NTHL1: variants seen among roughly 807,000 people sequenced by gnomAD.
The protein encoded by NTHL1 is nth like DNA glycosylase 1, also known as endonuclease III-like protein 1.
Under a neutral mutation model 32.3 loss-of-function variants are expected in NTHL1, and 32 were observed. The observed-to-expected ratio is 0.99, with a 90% confidence interval of 0.75 to 1.33. The LOEUF (loss-of-function observed/expected upper bound fraction) is 1.33, where lower values mean the gene tolerates loss of function less well. Ranked by LOEUF, NTHL1 falls within the 40% of genes most tolerant of loss-of-function variation. The pLI is 0.00. For synonymous variants in NTHL1, 188 were observed against 176.9 expected, an observed-to-expected ratio of 1.06 and a Z score of -0.50; for missense variants, 501 against 414.1, an observed-to-expected ratio of 1.21 and a Z score of -1.82.
chr16:2,043,738 G>A lies in NTHL1; in HGVS notation c.526-12C>T, dbSNP rs748774265. On this transcript the variant is annotated splice_polypyrimidine_tract_variant and intron_variant, in intron 3 of 5. Transcript: ENST00000651570. This position sits in a 1 kb window ranked among gnomAD's most constrained non-coding sequence, Gnocchi z 4.4. ...TATTTCACCTTGCTCTGAAAGACAG[G>A]GGTGGGTTCAGCCTTGGAGGCAAGG... 1 of 1,610,860 alleles carries A rather than the reference G, an allele frequency of 6.2e-7. No homozygotes were observed. The highest frequency in any genetic ancestry group is 1.7e-5 in the Admixed American group (1 of 60,012).
At position 2,040,322 on chromosome 16, in the gene NTHL1, A is replaced by G. The variant is rs1327211494; in HGVS notation, c.686-84T>C. The G allele has an allele frequency of 2.4e-6, 3 of 1,273,384 alleles. No individual in the cohort carries two copies. The Admixed American group carries it at 5.0e-5, about 21-fold the overall frequency. The allele number at this position is 1,273,384 out of a possible 1,614,324, so 78.9% of individuals were successfully genotyped here. ...CTCCCCGCCCAGAGGCGAGTCTGCCACCACCCCCGTGGCCCTCCAGTTAGA... is the reference window on the plus strand; with the variant it reads ...CTCCCCGCCCAGAGGCGAGTCTGCCGCCACCCCCGTGGCCCTCCAGTTAGA... On this transcript the variant is annotated intron_variant, in intron 4 of 5. Coordinates refer to ENST00000651570, the MANE Select transcript of NTHL1 (RefSeq NM_002528.7).
chr16:2,040,435 T>G, intron 4 of NTHL1, 197 bp from the exon 5 acceptor site: 1 of 647,306 alleles, frequency 1.5e-6, no homozygotes, highest in Non-Finnish European at 2.8e-6. Flanking sequence ...GAGCCCTCTG[T>G]TGGGGTGCAG....
At position 2,044,707 on chromosome 16, in the gene NTHL1, C is replaced by T. The variant is rs749527022; in HGVS notation, c.448G>A (p.Gly150Ser). 11 of 1,612,510 alleles carry T rather than the reference C, an allele frequency of 6.8e-6. No homozygotes were observed. Among genetic ancestry groups the T allele is most frequent in the Non-Finnish European group, 7.6e-6 (9 of 1,179,910 alleles). The change falls in exon 3 of 6, where the codon GGC becomes AGC. Residue 150 changes from glycine to serine, a missense_variant. Coordinates refer to ENST00000651570, the MANE Select transcript of NTHL1 (RefSeq NM_002528.7). The surrounding 1 kb of genome is among the most constrained non-coding windows in gnomAD (Gnocchi z 5.0). The stretch of plus-strand genomic sequence containing the variant: ...TGCAGGATGCTGTCCACCGTCAGGC[C>T]CCGCGCCCGCAGTCGCTGCATGGCG... ...AGAMQRLRARGLTVDSILQTD... is the reference protein window; with the variant it reads ...AGAMQRLRARSLTVDSILQTD...
chr16:2,047,362 G>A, intron 1 of NTHL1: 1 of 355,012 alleles, frequency 2.8e-6, no homozygotes, highest in Non-Finnish European at 5.2e-6. Context: ...TGTGTCCTTG[G>A]CACCCAGCCT....
At chr16:2,041,392 C>T (rs1200621221) in intron 4 of NTHL1, among the ~76,000 whole-genome samples, 1 of 152,160 alleles carries the variant, frequency 6.6e-6, no homozygotes, top group Non-Finnish European at 1.5e-5. Context: ...CAGAGTCACC[C>T]AGCCAGGAGG....
rs750490014 is a variant in NTHL1, at chr16:2,040,231, G to A, written c.693C>T (p.Asp231=). The A allele has an allele frequency of 1.2e-6, 2 of 1,613,504 alleles. No homozygotes were observed. Among genetic ancestry groups the A allele is most frequent in the South Asian group, 2.2e-5 (2 of 91,092 alleles). Residue 231 remains aspartate (D), a synonymous_variant, in exon 5 of 6, where the codon GAC becomes GAT. Transcript: ENST00000651570. ...AWGTVSGIAV[D]THVHRIANRL... Reference sequence around the variant, plus strand: ...TGTTGGCGATTCTGTGCACATGCGTGTCCACTGCTGCTGGGAGGCCAAGCG... The same window carrying A: ...TGTTGGCGATTCTGTGCACATGCGTATCCACTGCTGCTGGGAGGCCAAGCG...
At chr16:2,046,681 A>G (rs1046151905) in intron 1 of NTHL1, among the ~76,000 whole-genome samples, 2 of 152,096 alleles carry the variant, frequency 1.3e-5, no homozygotes, top group African/African-American at 2.4e-5. Flanking sequence ...CTTTTAAAAA[A>G]TCCTGGCCGG....
intron 1 of NTHL1, chr16:2,047,497 G>A (rs2084492560): frequency 4.0e-6 from 3 of 758,572 alleles, no homozygotes; most frequent in Non-Finnish European, 6.1e-6. Context: ...GGGGGCAGCG[G>A]AGCGGAGCGC....
intron 4 of NTHL1, among the ~76,000 whole-genome samples, chr16:2,042,980 T>C (rs535129125): frequency 1.5e-5 from 1 of 67,734 alleles, no homozygotes; most frequent in Non-Finnish European, 2.9e-5. Context: ...CCCCAGCACC[T>C]CCCTCCCCAC....
chr16:2,047,682 C>A, intron 1 of NTHL1, 27 bp downstream of exon 1: 1 of 1,559,156 alleles, frequency 6.4e-7, no homozygotes, highest in East Asian at 2.4e-5. Flanking sequence ...CGCCTCCTCC[C>A]ACGCTCCAGC....
At chr16:2,042,593 G>A (rs2084283004) in intron 4 of NTHL1, among the ~76,000 whole-genome samples, 1 of 152,088 alleles carries the variant, frequency 6.6e-6, no homozygotes, top group African/African-American at 2.4e-5. Context: ...CTGGTTTCTG[G>A]ACTGGCTGGG....
chr16:2,044,760 C>G lies in NTHL1; in HGVS notation c.395G>C (p.Ser132Thr), dbSNP rs377360166. The change falls in exon 3 of 6, where the codon AGC (serine) becomes ACC (threonine). Residue 132 changes from serine (S) to threonine (T), a missense_variant. By Grantham distance (58) the Ser-to-Thr change is moderately conservative (BLOSUM62 1). Coordinates refer to ENST00000651570, the MANE Select transcript of NTHL1 (RefSeq NM_002528.7). This position sits in a 1 kb window ranked among gnomAD's most constrained non-coding sequence, Gnocchi z 5.0. ...YQVLLSLMLS[S>T]QTKDQVTAGA... ...CGCCGTCACCTGGTCTTTGGTTTGG[C>G]TGGAGAGCATCAGTGACAGCAGCAC... 1.2e-6 allele frequency: 2 copies of G among 1,611,692 alleles called. No individual in the cohort carries two copies. The highest frequency in any genetic ancestry group is 8.5e-7 in the Non-Finnish European group (1 of 1,179,290).
chr16:2,044,992 T>G lies in NTHL1; in HGVS notation c.355-192A>C, dbSNP rs2084324343. On this transcript the variant is annotated intron_variant, in intron 2 of 5. Transcript: ENST00000651570. This position sits in a 1 kb window ranked among gnomAD's most constrained non-coding sequence, Gnocchi z 5.0. ...ATCTACAACACCAGGACAATAATAG[T>G]ACCTGACTCACTGGAGTAATGTGAA... 6.6e-6 allele frequency among the ~76,000 whole-genome samples: 1 copy of G among 152,168 alleles called. No homozygotes were observed. Among genetic ancestry groups the G allele is most frequent in the African/African-American group, 2.4e-5 (1 of 41,450 alleles).
At position 2,043,984 on chromosome 16, in the gene NTHL1, T is replaced by G; in HGVS notation, c.526-258A>C. ...CTGGCTGGGGTTCCCCTGCCCGTCA[T>G]TCCCTGCCAGCACCCAGGCCAGGCC... On this transcript the variant is annotated intron_variant, in intron 3 of 5. Transcript: ENST00000651570. This position sits in a 1 kb window ranked among gnomAD's most constrained non-coding sequence, Gnocchi z 4.4. 24 of 505,362 alleles carry G rather than the reference T, an allele frequency of 4.7e-5. No homozygotes were observed. Among genetic ancestry groups the G allele is most frequent in the Non-Finnish European group, 5.8e-5 (16 of 275,980 alleles). 31.3% of individuals were successfully genotyped at this position (505,362 alleles called of 1,614,324 possible).
intron 4 of NTHL1, 76 bp from the exon 5 acceptor site, chr16:2,040,314 A>G (rs1261228001): frequency 1.0e-5 from 14 of 1,345,992 alleles, no homozygotes; most frequent in Non-Finnish European, 1.5e-5. Context: ...CCCAGAGGCG[A>G]GTCTGCCACC....
At chr16:2,046,070 G>C in intron 2 of NTHL1, 58 bp downstream of exon 2, 1 of 1,475,176 alleles carries the variant, frequency 6.8e-7, no homozygotes. Context: ...CGGGTAGAAA[G>C]AAAACAAGGA....
At chr16:2,045,268 C>T (rs965723753) in intron 2 of NTHL1, among the ~76,000 whole-genome samples, 3 of 151,774 alleles carry the variant, frequency 2.0e-5, no homozygotes, top group Admixed American at 1.3e-4. Context: ...ACCTCGGAGG[C>T]GAAGGTTGCA....
At chr16:2,041,117 A>T (rs1173996296) in intron 4 of NTHL1, among the ~76,000 whole-genome samples, 2 of 152,210 alleles carry the variant, frequency 1.3e-5, no homozygotes, top group Non-Finnish European at 2.9e-5. Context: ...TGTTTCCCAA[A>T]GAGAAAGCCG....
chr16:2,039,821 G>T lies in NTHL1; in HGVS notation c.*103C>A. 1 of 1,533,826 alleles carries T rather than the reference G, an allele frequency of 6.5e-7. No homozygotes were observed. The highest frequency in any genetic ancestry group is 8.9e-7 in the Non-Finnish European group (1 of 1,126,816). On this transcript the variant is annotated 3_prime_UTR_variant, in exon 6 of 6. Transcript: ENST00000651570. ...GACAGACATCAGCCAGATCCCATCTGCAAACACACCAAAGCTTTATTCAAC... is the reference window on the plus strand; with the variant it reads ...GACAGACATCAGCCAGATCCCATCTTCAAACACACCAAAGCTTTATTCAAC...
Sources: gnomAD v4.1 joint callset for allele counts (sites outside exome capture counted in the v4.1 genomes callset) on GRCh38, gnomAD v4.1.1 for gene constraint, Gnocchi (gnomAD v3.1) non-coding constraint, MANE v1.5 for transcripts, NCBI Gene and HGNC (gene_info 2026-07-23, HGNC 2026-07-21) for gene names.